CSMD1: variants seen among roughly 807,000 people sequenced by gnomAD.
The protein encoded by CSMD1 is CUB and Sushi multiple domains 1, also known as CUB and sushi domain-containing protein 1.
In CSMD1, 213 loss-of-function variants were observed where a neutral mutation model predicts 417.5. The ratio of observed to expected loss-of-function variants is 0.51; its 90% CI spans 0.46 to 0.57. The LOEUF (loss-of-function observed/expected upper bound fraction) is 0.57. Among genes scored for constraint, CSMD1 ranks in the 20% least tolerant of loss-of-function variants. The pLI, the probability that CSMD1 is intolerant of heterozygous loss-of-function variation, is 0.00. For missense variants in CSMD1, 6,923 were observed against 4,529.7 expected (o/e 1.53, Z -15.17); for synonymous variants, 2,862 against 1,736.8 (o/e 1.65, Z -16.11).
intron 23 of CSMD1, among the ~76,000 whole-genome samples, chr8:3,330,300 G>T (rs1020682086): frequency 4.6e-5 from 7 of 152,200 alleles, no homozygotes; most frequent in African/African-American, 1.7e-4. Flanking sequence ...TCATGCATAT[G>T]TTCGATGCAG....
intron 4 of CSMD1, among the ~76,000 whole-genome samples, chr8:4,004,856 T>C (rs1023033707): frequency 1.3e-5 from 2 of 152,194 alleles, no homozygotes; most frequent in Non-Finnish European, 1.5e-5. Context: ...GCCATTCTCC[T>C]GCCTCAGCCT....
chr8:4,308,412 T>C (rs1215347310), intron 3 of CSMD1, among the ~76,000 whole-genome samples: 1 of 146,730 alleles, frequency 6.8e-6, no homozygotes, highest in Non-Finnish European at 1.5e-5. Flanking sequence ...TGTGTGTGTG[T>C]GTTATGTGGA....
At chr8:4,391,279 G>A (rs1343242745) in intron 3 of CSMD1, among the ~76,000 whole-genome samples, 1 of 152,158 alleles carries the variant, frequency 6.6e-6, no homozygotes, top group Non-Finnish European at 1.5e-5. Flanking sequence ...ACTCATCTTT[G>A]CCATTAACTC....
intron 1 of CSMD1, among the ~76,000 whole-genome samples, chr8:4,816,706 G>A (rs1335299745): frequency 1.3e-5 from 2 of 152,176 alleles, no homozygotes; most frequent in Admixed American, 6.5e-5. Flanking sequence ...CTACAAAGAA[G>A]TGATTTCCAG....
Position 3,894,537 on chromosome 8 carries a change from A to G in CSMD1, c.818+103366T>C, listed in dbSNP as rs149474115. ...TTAAAAAAAAATAATCCTATGATAG[A>G]TTCCTCAAAAGTGTACCTAAAATAG... is the stretch of plus-strand genomic sequence containing the variant. On this transcript the variant is annotated intron_variant, in intron 5 of 69. Coordinates refer to ENST00000635120, the MANE Select transcript of CSMD1 (RefSeq NM_033225.6). 1.9e-3 allele frequency among the ~76,000 whole-genome samples: 285 copies of G among 152,338 alleles called. 4 individuals are homozygous for G. The highest frequency in any genetic ancestry group is 6.5e-3 in the African/African-American group (269 of 41,586).
rs1806377396 is a variant in CSMD1 at position 4,686,192 on chromosome 8, C to T, written c.86-48634G>A. On this transcript the variant is annotated intron_variant, in intron 1 of 69. Transcript: ENST00000635120. Reference sequence around the variant, plus strand: ...CAGTGCAAGGAACGTACCCTTCTTTCACCTTTGGAGTTAGTAAGGCTTTTC... The same window carrying T: ...CAGTGCAAGGAACGTACCCTTCTTTTACCTTTGGAGTTAGTAAGGCTTTTC... Among the ~76,000 whole-genome samples the T allele has an allele frequency of 2.6e-5, 4 of 152,336 alleles. No homozygotes were observed. In the South Asian group the frequency reaches 6.2e-4, roughly 24 times the overall value.
chr8:3,377,159 C>G (rs1478857001), intron 18 of CSMD1, among the ~76,000 whole-genome samples: 1 of 152,136 alleles, frequency 6.6e-6, no homozygotes, highest in African/African-American at 2.4e-5. Flanking sequence ...TAGGCACATG[C>G]CAATACCCCC....
intron 23 of CSMD1, among the ~76,000 whole-genome samples, chr8:3,312,160 G>T (rs1805399773): frequency 6.6e-6 from 1 of 151,842 alleles, no homozygotes; most frequent in Non-Finnish European, 1.5e-5. Context: ...CTTTACTTGG[G>T]TTGCATTTTG....
chr8:4,542,682 G>A (rs1029997064), intron 2 of CSMD1, among the ~76,000 whole-genome samples: 1 of 152,108 alleles, frequency 6.6e-6, no homozygotes, highest in African/African-American at 2.4e-5. Flanking sequence ...TTATGCGGCA[G>A]AAGATAGTTT....
At position 4,311,596 on chromosome 8, in the gene CSMD1, G is replaced by A. The variant is rs185162660; in HGVS notation, c.415+108357C>T. ...AACTGAGCCAGGTGTGGTTGTGGGC[G>A]CCTGTAGTCCCAGCTACTTGGGAAG... On this transcript the variant is annotated intron_variant, in intron 3 of 69. Transcript: ENST00000635120. Among the ~76,000 whole-genome samples the A allele has an allele frequency of 1.1e-3, 165 of 151,944 alleles. 1 individual carries two copies. Among genetic ancestry groups the A allele is most frequent in the Middle Eastern group, 3.4e-3 (1 of 294 alleles).
chr8:4,739,257 T>C (rs984738434), intron 1 of CSMD1, among the ~76,000 whole-genome samples: 8 of 152,324 alleles, frequency 5.3e-5, no homozygotes, highest in Non-Finnish European at 8.8e-5. Flanking sequence ...TCTGTAAATA[T>C]AGCAATGCAG....
At chr8:4,817,523 G>C (rs919216194) in intron 1 of CSMD1, among the ~76,000 whole-genome samples, 4 of 152,290 alleles carry the variant, frequency 2.6e-5, no homozygotes, top group Non-Finnish European at 4.4e-5. Flanking sequence ...ACAGGCAAAA[G>C]GCCAAGACAC....
At chr8:4,887,745 C>T (rs1803851525) in intron 1 of CSMD1, among the ~76,000 whole-genome samples, 2 of 151,688 alleles carry the variant, frequency 1.3e-5, no homozygotes, top group South Asian at 4.2e-4. Context: ...GTTATATTTT[C>T]CTGATGAGTT....
chr8:3,059,049 C>T (rs930568799), intron 49 of CSMD1, among the ~76,000 whole-genome samples: 6 of 151,732 alleles, frequency 4.0e-5, no homozygotes, highest in South Asian at 4.2e-4. Context: ...GCTAACCCTG[C>T]GCTAAAGTGA....
intron 5 of CSMD1, among the ~76,000 whole-genome samples, chr8:3,866,974 G>T (rs930841779): frequency 6.6e-6 from 1 of 152,106 alleles, no homozygotes; most frequent in Non-Finnish European, 1.5e-5. Flanking sequence ...AAACCATTTT[G>T]CTTATACCAT....
At position 2,937,237 on chromosome 8, in the gene CSMD1, T is replaced by A. The variant is rs1416628313; in HGVS notation, c.*1348A>T. On this transcript the variant is annotated 3_prime_UTR_variant, in exon 70 of 70. Transcript: ENST00000635120. ...AAAAGTCACTGAAATTACCTTTCCA[T>A]CTGGAATCATAAAGCATGAAACAAA... The A allele has an allele frequency of 1.3e-5, 2 of 152,118 alleles. No individual in the cohort carries two copies. Among genetic ancestry groups the A allele is most frequent in the African/African-American group, 4.8e-5 (2 of 41,416 alleles). The allele number at this position is 152,118 out of a possible 1,614,324, so 9.4% of individuals were successfully genotyped here.
intron 12 of CSMD1, among the ~76,000 whole-genome samples, chr8:3,436,039 C>G (rs1369534924): frequency 6.6e-6 from 1 of 152,154 alleles, no homozygotes; most frequent in Non-Finnish European, 1.5e-5. Flanking sequence ...GCTCCCCACT[C>G]CCTTCACCAG....
chr8:4,342,845 C>T (rs377646189), intron 3 of CSMD1, among the ~76,000 whole-genome samples: 8 of 152,146 alleles, frequency 5.3e-5, no homozygotes, highest in African/African-American at 1.9e-4. Context: ...GGAAGTGAGT[C>T]ACCCTAGATA....
intron 23 of CSMD1, among the ~76,000 whole-genome samples, chr8:3,310,883 G>C (rs1225291329): frequency 6.6e-6 from 1 of 152,070 alleles, no homozygotes; most frequent in East Asian, 1.9e-4. Context: ...GAAATCTGGA[G>C]TTTTAAAAAA....
Sources: gnomAD v4.1 joint callset for allele counts (sites outside exome capture counted in the v4.1 genomes callset) on GRCh38, gnomAD v4.1.1 for gene constraint, MANE v1.5 for transcripts, NCBI Gene and HGNC (gene_info 2026-07-23, HGNC 2026-07-21) for gene names.